The following VPS29 variants were observed in gnomAD, a reference collection of about 807,000 sequenced individuals.
The protein encoded by VPS29 is VPS29 retromer complex component, also known as vacuolar protein sorting-associated protein 29.
In VPS29, 2 loss-of-function variants were observed where a neutral mutation model predicts 20.0. That is an observed-to-expected ratio of 0.10 (90% CI 0.04 to 0.31). The LOEUF is 0.31. Among genes scored for constraint, VPS29 ranks in the 10% least tolerant of loss-of-function variants. VPS29 has a pLI of 1.00. For missense variants in VPS29, 120 were observed against 215.3 expected (o/e 0.56, Z 2.77); for synonymous variants, 81 against 79.3 (o/e 1.02, Z -0.12).
chr12:110,501,836 C>T, intron 1 of VPS29: 2 of 1,276,804 alleles, frequency 1.6e-6, no homozygotes, highest in South Asian at 1.3e-5. Flanking sequence ...CCCCTTGGGG[C>T]CGGGATACGA....
intron 1 of VPS29, chr12:110,499,224 A>G (rs181834910): frequency 3.6e-6 from 1 of 277,544 alleles, no homozygotes; most frequent in Admixed American, 4.7e-5. Context: ...CTAGGACAGA[A>G]TCCTCTGGTT....
chr12:110,492,329 G>A (rs1465081919), intron 3 of VPS29, among the ~76,000 whole-genome samples: 2 of 152,136 alleles, frequency 1.3e-5, no homozygotes, highest in African/African-American at 4.8e-5. Context: ...CAGCACTTTG[G>A]GAGGCTGAGG....
At chr12:110,494,204 GATTA>G (rs1487652238) in intron 2 of VPS29, among the ~76,000 whole-genome samples, 5 of 151,130 alleles carry the variant, frequency 3.3e-5, no homozygotes, top group African/African-American at 1.2e-4. Context: ...CACAAACCAA[GATTA>G]ATTGATGAAA....
chr12:110,501,379 C>T, intron 1 of VPS29: 1 of 1,534,834 alleles, frequency 6.5e-7, no homozygotes, highest in Non-Finnish European at 8.7e-7. Flanking sequence ...AATTTCCCAA[C>T]AGTTTCAATG....
chr12:110,493,546 G>C (rs1406443595), intron 2 of VPS29, among the ~76,000 whole-genome samples: 1 of 151,984 alleles, frequency 6.6e-6, no homozygotes. Context: ...ATTTTTAGTA[G>C]AGACGGAGTC....
At position 110,498,841 on chromosome 12, in the gene VPS29, T is replaced by C. The variant is rs921303743; in HGVS notation, c.4-2638A>G. 5 of 984,346 alleles carry C rather than the reference T, an allele frequency of 5.1e-6. No individual in the cohort carries two copies. In the African/African-American group the frequency reaches 8.7e-5, roughly 17 times the overall value. The allele number at this position is 984,346 out of a possible 1,614,324, so 61.0% of individuals were successfully genotyped here. A position where few individuals can be genotyped will look rare whatever the true frequency, so the allele number is the denominator to read the frequency against. ...GTACCTGGATATAGAACAATCTTCA[T>C]TTTAGAGGGGGATTCCTTCTGATAT... On this transcript the variant is annotated intron_variant, in intron 1 of 3. Transcript: ENST00000549578.
At chr12:110,499,621 G>GA in intron 1 of VPS29, 1 of 1,072,464 alleles carries the variant, frequency 9.3e-7, no homozygotes, top group Non-Finnish European at 1.3e-6. Context: ...AATGTTAAAA[G>GA]AAAGCAACAA....
chr12:110,492,902 G>T, intron 3 of VPS29, 94 bp downstream of exon 3: 2 of 1,155,278 alleles, frequency 1.7e-6, no homozygotes, highest in Non-Finnish European at 2.4e-6. Flanking sequence ...TTACAGGCAT[G>T]AGCCACTGTG....
At position 110,496,167 on chromosome 12, in the gene VPS29, G is replaced by A; in HGVS notation, c.40C>T (p.Arg14Trp). ...LVLGDLHIPH[R>W]CNSLPAKFKK... Reference sequence around the variant, plus strand: ...AATTTAGCTGGCAAACTGTTGCACCGGTGTGGGATGTGCAGATCTCCTAAT... The same window carrying A: ...AATTTAGCTGGCAAACTGTTGCACCAGTGTGGGATGTGCAGATCTCCTAAT... Residue 14 changes from arginine to tryptophan, a missense_variant, in exon 2 of 4, where the codon CGG (arginine) becomes TGG (tryptophan). Arg to Trp is a moderately radical substitution (Grantham distance 101). Transcript: ENST00000549578. The A allele has an allele frequency of 6.2e-7, 1 of 1,613,610 alleles. No individual in the cohort carries two copies. The highest frequency in any genetic ancestry group is 8.5e-7 in the Non-Finnish European group (1 of 1,179,622).
At chr12:110,500,013 G>C (rs16940881) in intron 1 of VPS29, among the ~76,000 whole-genome samples, 21,717 of 152,222 alleles carry the variant, frequency 0.14, 2,121 homozygotes, top group African/African-American at 0.28. Context: ...GTATATGGAT[G>C]TTAATTATCT....
At chr12:110,492,455 G>A (rs535368633) in intron 3 of VPS29, among the ~76,000 whole-genome samples, 156 of 151,676 alleles carry the variant, frequency 1.0e-3, no homozygotes, top group Non-Finnish European at 1.8e-3. Context: ...CTATAATCCC[G>A]GCTACTTGGG....
In VPS29 at chr12:110,492,307, C is replaced by G. The variant is rs533431642; in HGVS notation, c.432-185G>C. 2.6e-5 allele frequency among the ~76,000 whole-genome samples: 4 copies of G among 152,286 alleles called. No homozygotes were observed. In the East Asian group the frequency reaches 7.7e-4, roughly 29 times the overall value. The stretch of plus-strand genomic sequence containing the variant: ...ACATGTGGCTGGGCACAGTGGCTTA[C>G]GCCTGTAATCCCAGCACTTTGGGAG... On this transcript the variant is annotated intron_variant, in intron 3 of 3. Coordinates refer to ENST00000549578, the MANE Select transcript of VPS29 (RefSeq NM_016226.5).
At chr12:110,496,999 C>A (rs2062917242) in intron 1 of VPS29, 1 of 151,378 alleles carries the variant, frequency 6.6e-6, no homozygotes, top group Admixed American at 6.6e-5. Flanking sequence ...GTATAGTTCC[C>A]CAACTTAAAA....
intron 1 of VPS29, among the ~76,000 whole-genome samples, chr12:110,497,836 T>A (rs2062932962): frequency 6.6e-6 from 1 of 151,868 alleles, no homozygotes; most frequent in Admixed American, 6.6e-5. Flanking sequence ...AGGCGGAGGT[T>A]GCAGTGAGCT....
intron 1 of VPS29, among the ~76,000 whole-genome samples, chr12:110,497,203 CTTTCTT>C (rs2062920618): frequency 1.1e-5 from 1 of 87,016 alleles, no homozygotes; most frequent in Non-Finnish European, 2.4e-5. Flanking sequence ...TTAAAAATTT[CTTTCTT>C]TTTTTTTTTT....
intron 1 of VPS29, chr12:110,501,563 G>A (rs1160622905): frequency 6.5e-7 from 1 of 1,535,368 alleles, no homozygotes; most frequent in South Asian, 1.2e-5. Flanking sequence ...CCTTTCCCTA[G>A]ATGGCAAAGT....
intron 1 of VPS29, chr12:110,501,503 T>C (rs1487654798): frequency 6.5e-7 from 1 of 1,535,362 alleles, no homozygotes; most frequent in African/African-American, 1.4e-5. Context: ...CACCTGCTCA[T>C]CTCAATGGCA....
intron 3 of VPS29, among the ~76,000 whole-genome samples, chr12:110,492,555 GC>G (rs1189761182): frequency 6.7e-6 from 1 of 149,898 alleles, no homozygotes; most frequent in African/African-American, 2.5e-5. Flanking sequence ...AGGTGACAGA[GC>G]AAGACTCTGT....
chr12:110,499,658 CA>C, intron 1 of VPS29: 2 of 735,008 alleles, frequency 2.7e-6, no homozygotes, highest in Non-Finnish European at 4.4e-6. Context: ...AAAAAGAGAA[CA>C]AAAAACCCAT....
Sources: gnomAD v4.1 joint callset for allele counts (sites outside exome capture counted in the v4.1 genomes callset) on GRCh38, gnomAD v4.1.1 for gene constraint, MANE v1.5 for transcripts, NCBI Gene and HGNC (gene_info 2026-07-23, HGNC 2026-07-21) for gene names.